The following CDKAL1 variants were observed in gnomAD, a reference collection of about 807,000 sequenced individuals.
CDKAL1 encodes threonylcarbamoyladenosine tRNA methylthiotransferase.
A neutral mutation model predicts 68.2 loss-of-function variants in CDKAL1; 32 were observed. The observed-to-expected ratio is 0.47, with a 90% confidence interval of 0.35 to 0.63. CDKAL1 has a LOEUF of 0.63. CDKAL1 is among the 30% of genes least tolerant of loss of function. CDKAL1 has a pLI of 0.00. For synonymous variants in CDKAL1, 234 were observed against 244.3 expected (o/e 0.96, Z 0.39); for missense variants, 606 against 696.7 (o/e 0.87, Z 1.47).
intron 13 of CDKAL1, among the ~76,000 whole-genome samples, chr6:21,168,851 C>T (rs776790022): frequency 6.6e-6 from 1 of 152,174 alleles, no homozygotes; most frequent in Non-Finnish European, 1.5e-5. Context: ...CTCTGTTTCT[C>T]TCTCTCCCTC....
intron 12 of CDKAL1, among the ~76,000 whole-genome samples, chr6:21,100,707 T>TA (rs1554181509): frequency 2.0e-5 from 3 of 152,004 alleles, no homozygotes; most frequent in African/African-American, 4.8e-5. Context: ...GTATTTTTTT[T>TA]ATCACTAACT....
chr6:21,151,902 C>A (rs763975493), intron 13 of CDKAL1, among the ~76,000 whole-genome samples: 2 of 152,196 alleles, frequency 1.3e-5, no homozygotes, highest in South Asian at 4.1e-4. Flanking sequence ...CCCTGGCGTG[C>A]GGCCTCCACC....
At chr6:21,042,419 A>C (rs1167178568) in intron 11 of CDKAL1, among the ~76,000 whole-genome samples, 4 of 152,098 alleles carry the variant, frequency 2.6e-5, no homozygotes, top group Non-Finnish European at 5.9e-5. Flanking sequence ...CATCCCTTAC[A>C]CAACTAACAC....
chr6:20,847,592 A>G (rs1381420943), intron 9 of CDKAL1, among the ~76,000 whole-genome samples: 5 of 152,208 alleles, frequency 3.3e-5, no homozygotes. Context: ...AACGTTTTTG[A>G]AAAATGTAAA....
chr6:21,028,113 G>A (rs1769062402), intron 11 of CDKAL1, among the ~76,000 whole-genome samples: 1 of 152,148 alleles, frequency 6.6e-6, no homozygotes, highest in Non-Finnish European at 1.5e-5. Context: ...TGGGCTGAAT[G>A]GAGTCACAGT....
At position 21,050,415 on chromosome 6, in the gene CDKAL1, G is replaced by A. The variant is rs562016798; in HGVS notation, c.1056-14633G>A. Among the ~76,000 whole-genome samples, 15 of 152,288 alleles carry A rather than the reference G, an allele frequency of 9.8e-5. No homozygotes were observed. In the South Asian group the frequency reaches 2.5e-3, roughly 25 times the overall value. ...GGCAGTTCCCGAGCTCTTGTACTGC[G>A]CCCAAGAAGGAGGATACACTGGACA... On this transcript the variant is annotated intron_variant, in intron 11 of 15. Transcript: ENST00000274695.
rs776861592 is a variant in CDKAL1, at chr6:20,631,740, G to A, written c.287-17553G>A. 2.9e-4 allele frequency among the ~76,000 whole-genome samples: 44 copies of A among 152,058 alleles called. 1 individual carries two copies. Among genetic ancestry groups the A allele is most frequent in the East Asian group, 1.9e-4 (1 of 5,160 alleles). ...GTCACTTCTCTGAGTCAGCCCTTCC[G>A]GATGAACCAGTCAGATGTTACAGGA... On this transcript the variant is annotated intron_variant, in intron 4 of 15. Coordinates refer to ENST00000274695, the MANE Select transcript of CDKAL1 (RefSeq NM_017774.3).
At chr6:20,916,654 A>C (rs1581824800) in intron 9 of CDKAL1, among the ~76,000 whole-genome samples, 1 of 152,290 alleles carries the variant, frequency 6.6e-6, no homozygotes, top group South Asian at 2.1e-4. Context: ...TTCAGTGGGG[A>C]AAATTGGGAG....
intron 4 of CDKAL1, among the ~76,000 whole-genome samples, chr6:20,579,541 C>CA (rs1355791580): frequency 6.6e-6 from 1 of 152,130 alleles, no homozygotes; most frequent in Non-Finnish European, 1.5e-5. Context: ...TATTAATTCT[C>CA]AAAACTCTGT....
intron 4 of CDKAL1, among the ~76,000 whole-genome samples, chr6:20,552,769 T>C (rs1018452310): frequency 6.6e-6 from 1 of 152,162 alleles, no homozygotes; most frequent in Non-Finnish European, 1.5e-5. Flanking sequence ...ACTGTGGGAA[T>C]ACTTTCTTCA....
intron 13 of CDKAL1, among the ~76,000 whole-genome samples, chr6:21,109,706 CA>C (rs750123575): frequency 1.3e-5 from 2 of 152,222 alleles, no homozygotes; most frequent in East Asian, 1.9e-4. Flanking sequence ...ATAAGTAATA[CA>C]ACAGCAAAAG....
chr6:20,836,987 G>T (rs575710856), intron 8 of CDKAL1, among the ~76,000 whole-genome samples: 1 of 152,200 alleles, frequency 6.6e-6, no homozygotes, highest in African/African-American at 2.4e-5. Flanking sequence ...CTTTGTCCTG[G>T]CCCTGCGTTA....
chr6:20,674,738 A>G (rs1770009976), intron 5 of CDKAL1, among the ~76,000 whole-genome samples: 1 of 152,122 alleles, frequency 6.6e-6, no homozygotes, highest in African/African-American at 2.4e-5. Flanking sequence ...GCTCCTTCCT[A>G]GCCTCTGGTA....
intron 6 of CDKAL1, among the ~76,000 whole-genome samples, chr6:20,742,311 G>A (rs1311670392): frequency 6.6e-6 from 1 of 151,880 alleles, no homozygotes; most frequent in Non-Finnish European, 1.5e-5. Flanking sequence ...CTGTCATATA[G>A]TCCCATTTTG....
At chr6:20,742,882 T>C (rs1773518082) in intron 6 of CDKAL1, among the ~76,000 whole-genome samples, 1 of 152,124 alleles carries the variant, frequency 6.6e-6, no homozygotes, top group East Asian at 1.9e-4. Flanking sequence ...TTATCATCAC[T>C]GACTTTTTAT....
chr6:20,758,781 C>T, intron 7 of CDKAL1, 138 bp downstream of exon 7: 1 of 645,116 alleles, frequency 1.6e-6, no homozygotes. Context: ...TTATCCTTGG[C>T]TTCATGAATT....
chr6:20,914,427 GTT>G (rs910081998), intron 9 of CDKAL1, among the ~76,000 whole-genome samples: 1 of 150,794 alleles, frequency 6.6e-6, no homozygotes, highest in African/African-American at 2.4e-5. Context: ...GAGTTTTATG[GTT>G]TTTTTTTCAT....
chr6:20,991,865 A>AC (rs1358161057), intron 10 of CDKAL1, among the ~76,000 whole-genome samples: 1 of 151,396 alleles, frequency 6.6e-6, no homozygotes, highest in African/African-American at 2.4e-5. Flanking sequence ...AAAAAAAAAA[A>AC]AGTTTAAAAT....
intron 11 of CDKAL1, among the ~76,000 whole-genome samples, chr6:21,062,795 A>G (rs558377081): frequency 2.6e-5 from 4 of 152,360 alleles, no homozygotes; most frequent in Admixed American, 6.5e-5. Context: ...TATTAGGAAT[A>G]TAATAATTTG....
Sources: allele counts gnomAD v4.1 joint callset (sites outside exome capture counted in the v4.1 genomes callset), GRCh38; gene constraint gnomAD v4.1.1; transcripts MANE v1.5; gene names NCBI Gene and HGNC (gene_info 2026-07-23, HGNC 2026-07-21).